CDH6: variants seen among roughly 807,000 people sequenced by gnomAD.
CDH6 encodes the protein cadherin 6.
Under a neutral mutation model 78.0 loss-of-function variants are expected in CDH6, and 31 were observed. The observed-to-expected ratio is 0.40, with a 90% CI of 0.30 to 0.54. CDH6 has a LOEUF of 0.54. Among genes scored for constraint, CDH6 ranks in the 20% least tolerant of loss-of-function variants. The probability of loss-of-function intolerance (pLI) is 0.56; values close to 1 mark genes in which losing one functional copy is unlikely to be tolerated. For synonymous variants in CDH6, 376 were observed against 368.8 expected (o/e 1.02, Z -0.23); for missense variants, 724 against 975.9 (o/e 0.74, Z 3.44).
At chr5:31,297,567 T>A (rs1411138485) in intron 4 of CDH6, among the ~76,000 whole-genome samples, 159 bp downstream of exon 4, 1 of 152,202 alleles carries the variant, frequency 6.6e-6, no homozygotes, top group Non-Finnish European at 1.5e-5. Flanking sequence ...ATCTGAATAA[T>A]TTTAATCAAA....
chr5:31,213,061 G>T (rs1268071909), intron 1 of CDH6, among the ~76,000 whole-genome samples: 1 of 152,126 alleles, frequency 6.6e-6, no homozygotes, highest in Non-Finnish European at 1.5e-5. Context: ...TTCACTGAGA[G>T]CTTTATGTCT....
chr5:31,302,174 C>T lies in CDH6; in HGVS notation c.875C>T (p.Ala292Val). The T allele has an allele frequency of 6.2e-7, 1 of 1,613,930 alleles. No individual in the cohort carries two copies. Reference protein sequence around the residue: ...PPGTPIGRIKASDADVGENAE... With the variant: ...PPGTPIGRIKVSDADVGENAE... ...GGGACACCAATTGGCAGAATCAAAGCCAGCGACGCTGATGTGGGAGAAAAT... is the reference window on the plus strand; with the variant it reads ...GGGACACCAATTGGCAGAATCAAAGTCAGCGACGCTGATGTGGGAGAAAAT... Residue 292 changes from alanine to valine, a missense_variant, in exon 6 of 12, where the codon GCC becomes GTC. Coordinates refer to ENST00000265071, the MANE Select transcript of CDH6 (RefSeq NM_004932.4).
At chr5:31,306,161 T>C (rs1383114847) in intron 7 of CDH6, among the ~76,000 whole-genome samples, 1 of 152,208 alleles carries the variant, frequency 6.6e-6, no homozygotes, top group Non-Finnish European at 1.5e-5. Context: ...AAACCTATCA[T>C]GTAACACTTA....
At chr5:31,196,125 C>T (rs902224120) in intron 1 of CDH6, among the ~76,000 whole-genome samples, 3 of 152,196 alleles carry the variant, frequency 2.0e-5, no homozygotes, top group Non-Finnish European at 4.4e-5. Context: ...AAGTTGCCTA[C>T]TATCAAAAAA....
At position 31,233,342 on chromosome 5, in the gene CDH6, A is replaced by C. The variant is rs554673582; in HGVS notation, c.-128-34004A>C. On this transcript the variant is annotated intron_variant, in intron 1 of 11. Transcript: ENST00000265071. ...GGCAACATGGCAATGCCCCGTCTCT[A>C]CAAAAAAAAAAAAAATACAAAAATT... 5.1e-3 allele frequency among the ~76,000 whole-genome samples: 215 copies of C among 41,904 alleles called. 1 individual carries two copies. Among genetic ancestry groups the C allele is most frequent in the African/African-American group, 0.011 (191 of 17,244 alleles). The allele number at this position is 41,904 out of a possible 152,430, so 27.5% of individuals were successfully genotyped here. A position where few individuals can be genotyped will look rare whatever the true frequency, so the allele number is the denominator to read the frequency against.
At chr5:31,281,334 G>A (rs769284657) in intron 2 of CDH6, among the ~76,000 whole-genome samples, 5 of 151,328 alleles carry the variant, frequency 3.3e-5, no homozygotes, top group Admixed American at 6.6e-5. Flanking sequence ...AAAGGGGGCT[G>A]GGGGAGTGTG....
At position 31,316,195 on chromosome 5, in the gene CDH6, T is replaced by C; in HGVS notation, c.1391-13T>C. On this transcript the variant is annotated splice_polypyrimidine_tract_variant and intron_variant, in intron 8 of 11. Transcript: ENST00000265071. Reference sequence around the variant, plus strand: ...ATGTAAATGCCTTTTTCTTTCTTTTTGGTTTGTGACAGATAATCCAAAGCA... The same window carrying C: ...ATGTAAATGCCTTTTTCTTTCTTTTCGGTTTGTGACAGATAATCCAAAGCA... 1 of 1,590,984 alleles carries C rather than the reference T, an allele frequency of 6.3e-7. No homozygotes were observed. Among genetic ancestry groups the C allele is most frequent in the East Asian group, 2.2e-5 (1 of 44,592 alleles).
intron 6 of CDH6, 67 bp from the exon 7 acceptor site, chr5:31,305,107 G>C: frequency 6.6e-7 from 1 of 1,512,164 alleles, no homozygotes; most frequent in Non-Finnish European, 8.9e-7. Context: ...AAAATGTTTC[G>C]TGTCTTGGCT....
intron 3 of CDH6, among the ~76,000 whole-genome samples, chr5:31,296,000 G>C (rs893510763): frequency 6.6e-6 from 1 of 152,148 alleles, no homozygotes; most frequent in Non-Finnish European, 1.5e-5. Context: ...GATGTTCTCA[G>C]TCTCCCCACC....
chr5:31,284,628 C>T (rs564217929), intron 2 of CDH6, among the ~76,000 whole-genome samples: 12 of 152,178 alleles, frequency 7.9e-5, no homozygotes, highest in Non-Finnish European at 1.5e-4. Context: ...ACTACATGTG[C>T]TAAGGGTGAC....
rs796740950 is a variant in CDH6 at position 31,199,685 on chromosome 5, G to GTGTATATATATATATA, written c.-129+5800_-129+5801insGTATATATATATATAT. Among the ~76,000 whole-genome samples, 361 of 79,764 alleles carry GTGTATATATATATATA rather than the reference G, an allele frequency of 4.5e-3. 4 individuals carry two copies. The highest frequency in any genetic ancestry group is 6.2e-3 in the South Asian group (10 of 1,608). 52.3% of individuals were successfully genotyped at this position (79,764 alleles called of 152,430 possible). On this transcript the variant is annotated intron_variant, in intron 1 of 11. Transcript: ENST00000265071. Reference sequence around the variant, plus strand: ...TGTGTGTGTATGTGTGTGTGTGTGTGTATATATATATATATATATATATAT... The same window carrying GTGTATATATATATATA: ...TGTGTGTGTATGTGTGTGTGTGTGTGTGTATATATATATATATATATATATATATATATATATATAT...
Position 31,305,382 on chromosome 5 carries a change from G to A in CDH6, c.1208G>A (p.Gly403Asp). ...REDAQINTTIGSVTAQDPDAA... is the reference protein window; with the variant it reads ...REDAQINTTIDSVTAQDPDAA... The stretch of plus-strand genomic sequence containing the variant: ...GATGCTCAGATAAACACCACAATAG[G>A]CTCCGTCACAGCCCAAGATCCAGAT... The change falls in exon 7 of 12, where the codon GGC (glycine) becomes GAC (aspartate). Residue 403 changes from glycine (G) to aspartate (D), a missense_variant. Physicochemically the swap from Gly to Asp is moderately conservative, Grantham distance 94. Coordinates refer to ENST00000265071, the MANE Select transcript of CDH6 (RefSeq NM_004932.4). 6.2e-7 allele frequency: 1 copy of A among 1,613,998 alleles called. No homozygotes were observed. The highest frequency in any genetic ancestry group is 8.5e-7 in the Non-Finnish European group (1 of 1,179,944).
At chr5:31,221,035 G>GA (rs1290333363) in intron 1 of CDH6, among the ~76,000 whole-genome samples, 1 of 152,142 alleles carries the variant, frequency 6.6e-6, no homozygotes, top group African/African-American at 2.4e-5. Flanking sequence ...GTTCAGGGGG[G>GA]AGACATTTAA....
intron 1 of CDH6, among the ~76,000 whole-genome samples, chr5:31,241,754 G>A (rs566410418): frequency 1.3e-5 from 2 of 152,304 alleles, no homozygotes; most frequent in South Asian, 4.1e-4. Context: ...AATAGCAAAC[G>A]CTGCTTTCTT....
At chr5:31,261,838 T>G (rs1002164969) in intron 1 of CDH6, among the ~76,000 whole-genome samples, 3 of 152,168 alleles carry the variant, frequency 2.0e-5, no homozygotes, top group Non-Finnish European at 4.4e-5. Context: ...TGTAATAAAA[T>G]CAGTATCTCA....
At position 31,326,651 on chromosome 5, in the gene CDH6, C is replaced by T. The variant is rs1738630210; in HGVS notation, c.*3343C>T. On this transcript the variant is annotated 3_prime_UTR_variant, in exon 12 of 12. Coordinates refer to ENST00000265071, the MANE Select transcript of CDH6 (RefSeq NM_004932.4). ...CGTGTGGTTTAGTTTTTATTTTCAG[C>T]TCCCAAAGAGTTGTGCAGAAAATCT... 1 of 173,976 alleles carries T rather than the reference C, an allele frequency of 5.7e-6. No individual in the cohort carries two copies. The highest frequency in any genetic ancestry group is 1.2e-5 in the Non-Finnish European group (1 of 81,732). The allele number at this position is 173,976 out of a possible 1,614,324, so 10.8% of individuals were successfully genotyped here. A position where few individuals can be genotyped will look rare whatever the true frequency, so the allele number is the denominator to read the frequency against.
intron 2 of CDH6, among the ~76,000 whole-genome samples, chr5:31,286,808 G>C (rs1415453596): frequency 6.6e-6 from 1 of 152,152 alleles, no homozygotes; most frequent in African/African-American, 2.4e-5. Context: ...AGACCAATGA[G>C]AAAAGGCAGT....
chr5:31,251,236 T>A (rs1439816006), intron 1 of CDH6: 1 of 152,248 alleles, frequency 6.6e-6, no homozygotes, highest in African/African-American at 2.4e-5. Context: ...CTTAATGGCC[T>A]ATATGATTGT....
chr5:31,252,328 G>GGGGTGTGTGTGTGTGTGT (rs1554006113), intron 1 of CDH6, among the ~76,000 whole-genome samples: 1 of 148,924 alleles, frequency 6.7e-6, no homozygotes, highest in African/African-American at 2.5e-5. Flanking sequence ...ATGTGTGTGT[G>GGGGTGTGTGTGTGTGTGT]GTGTGTGTGT....
Sources: gnomAD v4.1 joint callset for allele counts (sites outside exome capture counted in the v4.1 genomes callset) on GRCh38, gnomAD v4.1.1 for gene constraint, MANE v1.5 for transcripts, NCBI Gene and HGNC (gene_info 2026-07-23, HGNC 2026-07-21) for gene names.